Variants in PDCD6 observed in about 807,000 individuals in gnomAD.
The protein encoded by PDCD6 is programmed cell death protein 6.
PDCD6 carries 12 observed loss-of-function variants against 28.3 expected under a neutral mutation model. The ratio of observed to expected loss-of-function variants is 0.42; its 90% CI spans 0.27 to 0.69. The LOEUF is 0.69. Among genes scored for constraint, PDCD6 ranks in the 30% least tolerant of loss-of-function variants. The probability of loss-of-function intolerance (pLI) is 0.22; values close to 1 mark genes in which losing one functional copy is unlikely to be tolerated. For synonymous variants in PDCD6, 92 were observed against 108.0 expected (o/e 0.85, Z 0.92); for missense variants, 226 against 269.9 (o/e 0.84, Z 1.14).
chr5:314,671 T>A lies in PDCD6; in HGVS notation c.*156T>A. 1 of 700,166 alleles carries A rather than the reference T, an allele frequency of 1.4e-6. No homozygotes were observed. Among genetic ancestry groups the A allele is most frequent in the Non-Finnish European group, 2.6e-6 (1 of 383,828 alleles). The allele number at this position is 700,166 out of a possible 1,614,324, so 43.4% of individuals were successfully genotyped here. A position where few individuals can be genotyped will look rare whatever the true frequency, so the allele number is the denominator to read the frequency against. On this transcript the variant is annotated 3_prime_UTR_variant, in exon 6 of 6. Transcript: ENST00000264933. The stretch of plus-strand genomic sequence containing the variant: ...GCTGTACATATGTGGATAAGCTGAT[T>A]AATGGTTTTGCAACTGTAATAGTAG...
Position 314,447 on chromosome 5 carries a change from AC to A in PDCD6, c.509del (p.Thr170ArgfsTer28). ...RLTDIFRRYD[T>X]DQDGWIQVSY... is the part of the protein sequence containing the mutation. ...GACGGATATATTCAGACGTTACGAC[AC>A]GGATCAGGACGGCTGGATTCAGGTG... is the stretch of plus-strand genomic sequence containing the variant. On this transcript the variant is annotated frameshift_variant, in exon 6 of 6. Transcript: ENST00000264933. The A allele has an allele frequency of 6.2e-7, 1 of 1,613,804 alleles. No individual in the cohort carries two copies. The highest frequency in any genetic ancestry group is 8.5e-7 in the Non-Finnish European group (1 of 1,179,876).
At chr5:282,275 G>C (rs866118156) in intron 2 of PDCD6, among the ~76,000 whole-genome samples, 19 of 104,710 alleles carry the variant, frequency 1.8e-4, no homozygotes, top group East Asian at 1.1e-3. Flanking sequence ...GAAAAATCGG[G>C]GGGGGGGGAG....
chr5:284,499 T>C (rs1050273784), intron 2 of PDCD6, among the ~76,000 whole-genome samples: 1 of 152,022 alleles, frequency 6.6e-6, no homozygotes, highest in Non-Finnish European at 1.5e-5. Context: ...TTGAAGGTCA[T>C]GCAACTGGAG....
intron 2 of PDCD6, among the ~76,000 whole-genome samples, chr5:278,211 C>G (rs184615594): frequency 1.3e-5 from 2 of 152,240 alleles, no homozygotes; most frequent in East Asian, 3.9e-4. Context: ...ATAGCTTTCT[C>G]TTGTAGGATA....
chr5:282,520 G>A (rs187523649), intron 2 of PDCD6, among the ~76,000 whole-genome samples: 231 of 151,618 alleles, frequency 1.5e-3, no homozygotes, highest in African/African-American at 5.2e-3. Flanking sequence ...TCTGGGAGGA[G>A]CTGATGTTCT....
chr5:272,585 G>C (rs1172231143), intron 1 of PDCD6, 126 bp from the exon 2 acceptor site: 8 of 1,179,916 alleles, frequency 6.8e-6, no homozygotes, highest in Non-Finnish European at 8.0e-6. Context: ...ACTCCTCAGC[G>C]GGACGGGAGA....
chr5:303,297 T>TTAA (rs754712426), intron 2 of PDCD6, among the ~76,000 whole-genome samples: 8 of 129,248 alleles, frequency 6.2e-5, no homozygotes, highest in African/African-American at 2.0e-4. Flanking sequence ...TTTTTGTGCA[T>TTAA]AAAAAAAAAA....
intron 2 of PDCD6, among the ~76,000 whole-genome samples, chr5:284,770 G>C (rs1411510051): frequency 6.6e-6 from 1 of 150,970 alleles, no homozygotes; most frequent in African/African-American, 2.4e-5. Flanking sequence ...TCATGTTCCA[G>C]TTTGAGGGCC....
chr5:312,336 A>C (rs577887509), intron 5 of PDCD6: 1 of 152,356 alleles, frequency 6.6e-6, no homozygotes, highest in East Asian at 1.9e-4. Flanking sequence ...AGGTTCCTCA[A>C]GGTCCTGTCT....
At position 309,458 on chromosome 5, in the gene PDCD6, A is replaced by G. The variant is rs573483294; in HGVS notation, c.368-1835A>G. On this transcript the variant is annotated intron_variant, in intron 4 of 5. Coordinates refer to ENST00000264933, the MANE Select transcript of PDCD6 (RefSeq NM_013232.4). The stretch of plus-strand genomic sequence containing the variant: ...ACCAAGGAAACTGGAAGTTAATTCC[A>G]GAGGCAGTGGGGTTGCTCCTGTTGT... 7 of 160,260 alleles carry G rather than the reference A, an allele frequency of 4.4e-5. No individual in the cohort carries two copies. In the East Asian group the frequency reaches 1.3e-3, roughly 31 times the overall value. The allele number at this position is 160,260 out of a possible 1,614,324, so 9.9% of individuals were successfully genotyped here.
In PDCD6 at chr5:314,626, T is replaced by A. The variant is rs1474740559; in HGVS notation, c.*111T>A. 1 of 795,386 alleles carries A rather than the reference T, an allele frequency of 1.3e-6. No homozygotes were observed. Among genetic ancestry groups the A allele is most frequent in the Admixed American group, 2.0e-5 (1 of 50,982 alleles). 49.3% of individuals were successfully genotyped at this position (795,386 alleles called of 1,614,324 possible). On this transcript the variant is annotated 3_prime_UTR_variant, in exon 6 of 6. Coordinates refer to ENST00000264933, the MANE Select transcript of PDCD6 (RefSeq NM_013232.4). ...AGTTAGATGCTGTTCTTCCTTTAGA[T>A]TTTGTCACGTGGGGACCCAGCTGTA...
chr5:298,451 A>G (rs1429629405), intron 2 of PDCD6, among the ~76,000 whole-genome samples: 4 of 152,012 alleles, frequency 2.6e-5, no homozygotes, highest in Non-Finnish European at 5.9e-5. Flanking sequence ...AGTGGGAAGA[A>G]GGAGGGGACG....
At chr5:290,718 G>A (rs1390114390) in intron 2 of PDCD6, among the ~76,000 whole-genome samples, 1 of 152,234 alleles carries the variant, frequency 6.6e-6, no homozygotes, top group East Asian at 1.9e-4. Flanking sequence ...CACACAGCCT[G>A]GTGATGCAGC....
At chr5:274,107 C>T (rs1199745262) in intron 2 of PDCD6, among the ~76,000 whole-genome samples, 1 of 152,192 alleles carries the variant, frequency 6.6e-6, no homozygotes, top group African/African-American at 2.4e-5. Flanking sequence ...CTCTGTGCAT[C>T]ACCTGTTAAA....
intron 2 of PDCD6, among the ~76,000 whole-genome samples, chr5:282,420 C>G (rs567231338): frequency 1.2e-3 from 177 of 146,660 alleles, no homozygotes; most frequent in Non-Finnish European, 2.2e-3. Flanking sequence ...GCTGCAAACC[C>G]GGAGAGAAGC....
intron 5 of PDCD6, chr5:311,916 C>G (rs13157179): frequency 6.2e-6 from 1 of 160,280 alleles, no homozygotes; most frequent in African/African-American, 2.4e-5. Flanking sequence ...AACTCCTGAC[C>G]TCAAGTAATC....
intron 2 of PDCD6, among the ~76,000 whole-genome samples, chr5:302,219 C>T (rs1406118985): frequency 1.1e-4 from 12 of 111,914 alleles, no homozygotes; most frequent in East Asian, 2.6e-4. Context: ...GTGTATGCCT[C>T]GGGTTCAGGT....
chr5:281,600 G>C (rs977311466), intron 2 of PDCD6, among the ~76,000 whole-genome samples: 4 of 152,174 alleles, frequency 2.6e-5, no homozygotes, highest in African/African-American at 9.7e-5. Flanking sequence ...GGGTCGTAGA[G>C]CTGGAGACCA....
intron 4 of PDCD6, chr5:308,666 TTTGTC>T (rs1293175396): frequency 6.6e-6 from 1 of 152,188 alleles, no homozygotes; most frequent in African/African-American, 2.4e-5. Context: ...AAATTCTTCT[TTTGTC>T]TTGGCCCCTG....
Sources: gnomAD v4.1 joint callset for allele counts (sites outside exome capture counted in the v4.1 genomes callset) on GRCh38, gnomAD v4.1.1 for gene constraint, MANE v1.5 for transcripts, NCBI Gene and HGNC (gene_info 2026-07-23, HGNC 2026-07-21) for gene names.